The following CALN1 variants were observed in gnomAD, a reference collection of about 807,000 sequenced individuals.
CALN1 encodes the protein calcium-binding protein 8.
Under a neutral mutation model 30.6 loss-of-function variants are expected in CALN1, and 17 were observed. The observed-to-expected ratio is 0.56, with a 90% CI of 0.38 to 0.83. The LOEUF is 0.83. CALN1 is among the 40% of genes least tolerant of loss of function. The probability of loss-of-function intolerance (pLI) is 0.00; values close to 1 mark genes in which losing one functional copy is unlikely to be tolerated. For missense variants in CALN1, 291 were observed against 354.9 expected, an observed-to-expected ratio of 0.82 and a Z score of 1.45; for synonymous variants, 156 against 131.4, an observed-to-expected ratio of 1.19 and a Z score of -1.28.
At chr7:71,810,737 C>T (rs1288196875) in intron 5 of CALN1, among the ~76,000 whole-genome samples, 3 of 152,122 alleles carry the variant, frequency 2.0e-5, no homozygotes, top group African/African-American at 7.2e-5. Context: ...AAAAATGCCA[C>T]CCGCCAGTCT....
rs927155344 is a variant in CALN1 at position 72,148,092 on chromosome 7, A to T, written c.245-41798T>A. Among the ~76,000 whole-genome samples the T allele has an allele frequency of 1.9e-4, 25 of 134,856 alleles. No individual in the cohort carries two copies. The Middle Eastern group carries it at 0.015, about 79-fold the overall frequency. 88.5% of individuals were successfully genotyped at this position (134,856 alleles called of 152,430 possible). On this transcript the variant is annotated intron_variant, in intron 3 of 6. Coordinates refer to ENST00000395275, the MANE Select transcript of CALN1 (RefSeq NM_031468.4). ...CGTACCCTAGAACTTAAAGTATAAT[A>T]AAAAAAAATAAAAAAAAAAAACAAC...
At chr7:71,854,355 AACAG>A (rs200987406) in intron 5 of CALN1, among the ~76,000 whole-genome samples, 1,775 of 152,074 alleles carry the variant, frequency 0.012, 17 homozygotes, top group African/African-American at 0.029. Context: ...AACAATAAAA[AACAG>A]ACAGACAGAC....
chr7:72,311,577 T>C (rs778329601), intron 2 of CALN1, among the ~76,000 whole-genome samples: 10 of 151,016 alleles, frequency 6.6e-5, no homozygotes, highest in Non-Finnish European at 1.2e-4. Context: ...CCTCCCCGGC[T>C]CGAGCAATCC....
intron 3 of CALN1, among the ~76,000 whole-genome samples, chr7:72,242,798 G>C (rs528339495): frequency 6.6e-6 from 1 of 152,186 alleles, no homozygotes; most frequent in African/African-American, 2.4e-5. Flanking sequence ...TGAGGCAGGA[G>C]AATTGCTTCA....
intron 5 of CALN1, among the ~76,000 whole-genome samples, chr7:71,898,462 A>G (rs74560909): frequency 0.024 from 3,629 of 152,308 alleles, 135 homozygotes; most frequent in African/African-American, 0.079. Context: ...CCTGAATGAT[A>G]CCGGTAGAGG....
chr7:71,986,408 C>G (rs73366261), intron 5 of CALN1, among the ~76,000 whole-genome samples: 1 of 152,152 alleles, frequency 6.6e-6, no homozygotes, highest in Non-Finnish European at 1.5e-5. Context: ...AAATATAAAC[C>G]CAGCTCATTG....
chr7:72,057,009 T>C (rs551016878), intron 4 of CALN1, among the ~76,000 whole-genome samples: 8 of 152,232 alleles, frequency 5.3e-5, no homozygotes, highest in South Asian at 2.1e-4. Flanking sequence ...GGCATGATCA[T>C]AGATCATTAC....
At chr7:72,189,983 A>C (rs780032894) in intron 3 of CALN1, among the ~76,000 whole-genome samples, 2 of 152,278 alleles carry the variant, frequency 1.3e-5, no homozygotes, top group South Asian at 4.2e-4. Context: ...GTCCAGGAAG[A>C]TGTTAGCATG....
At chr7:71,875,160 CAAAAAAAAAAA>C (rs3063970) in intron 5 of CALN1, among the ~76,000 whole-genome samples, 1 of 68,722 alleles carries the variant, frequency 1.5e-5, no homozygotes, top group African/African-American at 5.4e-5. Context: ...GACTCTGTCT[CAAAAAAAAAAA>C]AAAAAAAAAA....
At chr7:72,488,597 T>C in the CALN1 span, among the ~76,000 whole-genome samples, 1 of 152,030 alleles carries the variant, frequency 6.6e-6, no homozygotes, top group African/African-American at 2.4e-5. Flanking sequence ...CTAAACTATA[T>C]TGGAGCACGT....
At chr7:72,498,381 C>T in the CALN1 span, among the ~76,000 whole-genome samples, 1 of 151,770 alleles carries the variant, frequency 6.6e-6, no homozygotes, top group Non-Finnish European at 1.5e-5. Context: ...TACCTAGCCA[C>T]ATCATGGATA....
chr7:71,787,852 A>G lies in CALN1; in HGVS notation c.709T>C (p.Cys237Arg). The G allele has an allele frequency of 1.9e-6, 3 of 1,614,152 alleles. No homozygotes were observed. Among genetic ancestry groups the G allele is most frequent in the Non-Finnish European group, 2.5e-6 (3 of 1,180,032 alleles). ...RQTCVRKSLI[C>R]AFAMAFIISV... ...ATGATGAAGGCCATAGCAAAGGCGC[A>G]TATGAGGCTCTTCCGGACGCAGGTC... The change falls in exon 7 of 7, where the codon TGC (cysteine) becomes CGC (arginine). Residue 237 changes from cysteine to arginine, a missense_variant. Physicochemically the swap from Cys to Arg is radical, Grantham distance 180. Around this residue, in one of 2 missense-constraint regions of CALN1, gnomAD observed 169 missense variants for 251.7 expected, o/e 0.67. Transcript: ENST00000395275.
rs1807148170 is a variant in CALN1, at chr7:72,106,695, AGGG to A, written c.245-404_245-402del. Among the ~76,000 whole-genome samples, 2 of 32,144 alleles carry A rather than the reference AGGG, an allele frequency of 6.2e-5. 1 individual carries two copies. Among genetic ancestry groups the A allele is most frequent in the African/African-American group, 2.4e-4 (2 of 8,272 alleles). The allele number at this position is 32,144 out of a possible 152,430, so 21.1% of individuals were successfully genotyped here. A position where few individuals can be genotyped will look rare whatever the true frequency, so the allele number is the denominator to read the frequency against. ...GAGAAAGGAAGGAAGAAAGCAAGGGAGGGAGGAAGGGAGGGAGGGAGGAAGGGA... is the reference window on the plus strand; with the variant it reads ...GAGAAAGGAAGGAAGAAAGCAAGGGAAGGAAGGGAGGGAGGGAGGAAGGGA... On this transcript the variant is annotated intron_variant, in intron 3 of 6. Transcript: ENST00000395275.
In CALN1 at chr7:71,787,484, C is replaced by G. The variant is rs1436100780; in HGVS notation, c.*291G>C. Reference sequence around the variant, plus strand: ...TCCGAGATGAAGATGAAGTTTTTCTCTAGAGTTATGACTGATGGTTGAAGC... The same window carrying G: ...TCCGAGATGAAGATGAAGTTTTTCTGTAGAGTTATGACTGATGGTTGAAGC... On this transcript the variant is annotated 3_prime_UTR_variant, in exon 7 of 7. Transcript: ENST00000395275. 3.2e-6 allele frequency: 1 copy of G among 311,272 alleles called. No homozygotes were observed. Among genetic ancestry groups the G allele is most frequent in the Admixed American group, 4.1e-5 (1 of 24,330 alleles). The allele number at this position is 311,272 out of a possible 1,614,324, so 19.3% of individuals were successfully genotyped here. A position where few individuals can be genotyped will look rare whatever the true frequency, so the allele number is the denominator to read the frequency against.
At chr7:71,814,172 A>G (rs1788126993) in intron 5 of CALN1, among the ~76,000 whole-genome samples, 1 of 152,116 alleles carries the variant, frequency 6.6e-6, no homozygotes. Flanking sequence ...TTTTTGTCCA[A>G]CAGGGTTTCA....
chr7:71,971,667 G>A (rs549858947), intron 5 of CALN1, among the ~76,000 whole-genome samples: 3 of 151,830 alleles, frequency 2.0e-5, no homozygotes, highest in African/African-American at 7.2e-5. Context: ...AGAGGCCAAC[G>A]CAGGGGGATC....
intron 3 of CALN1, among the ~76,000 whole-genome samples, chr7:72,240,378 A>G (rs1794749284): frequency 6.6e-6 from 1 of 151,972 alleles, no homozygotes; most frequent in Non-Finnish European, 1.5e-5. Flanking sequence ...AACTTTTTGT[A>G]GAGTTCGAGT....
chr7:72,008,573 G>A (rs1799900978), intron 5 of CALN1, among the ~76,000 whole-genome samples: 1 of 151,474 alleles, frequency 6.6e-6, no homozygotes, highest in Non-Finnish European at 1.5e-5. Flanking sequence ...TTAAATAGAA[G>A]CATAGATTTT....
chr7:72,177,523 G>A (rs1562693591), intron 3 of CALN1, among the ~76,000 whole-genome samples: 1 of 152,080 alleles, frequency 6.6e-6, no homozygotes, highest in Non-Finnish European at 1.5e-5. Context: ...CCAGCACTTG[G>A]GGAGGCTGAG....
Sources: gnomAD v4.1 joint callset for allele counts (sites outside exome capture counted in the v4.1 genomes callset) on GRCh38, gnomAD v4.1.1 for gene constraint, gnomAD v4.1.1 regional missense constraint, MANE v1.5 for transcripts, NCBI Gene and HGNC (gene_info 2026-07-23, HGNC 2026-07-21) for gene names.